DGKI: variants seen among roughly 807,000 people sequenced by gnomAD.
DGKI encodes the protein DAG kinase iota.
Under a neutral mutation model 147.5 loss-of-function variants are expected in DGKI, and 55 were observed. The observed-to-expected ratio is 0.37, with a 90% CI of 0.30 to 0.47. DGKI has a LOEUF of 0.47. Among genes scored for constraint, DGKI ranks in the 20% least tolerant of loss-of-function variants. The probability of loss-of-function intolerance (pLI) is 1.00; values close to 1 mark genes in which losing one functional copy is unlikely to be tolerated. For missense variants in DGKI, 1,007 were observed against 1,323.8 expected (o/e 0.76, Z 3.71); for synonymous variants, 469 against 477.1 (o/e 0.98, Z 0.22).
intron 20 of DGKI, among the ~76,000 whole-genome samples, chr7:137,529,756 T>C (rs1285798070): frequency 6.6e-6 from 1 of 152,208 alleles, no homozygotes; most frequent in Non-Finnish European, 1.5e-5. Flanking sequence ...CATCCCTACA[T>C]ACATGTGTTA....
At chr7:137,776,466 G>C (rs1054622994) in intron 1 of DGKI, among the ~76,000 whole-genome samples, 1 of 152,122 alleles carries the variant, frequency 6.6e-6, no homozygotes, top group African/African-American at 2.4e-5. Context: ...ACCATGCAGT[G>C]GTTAAACATT....
intron 1 of DGKI, among the ~76,000 whole-genome samples, chr7:137,825,519 T>G (rs1798028608): frequency 6.6e-6 from 1 of 152,148 alleles, no homozygotes; most frequent in Non-Finnish European, 1.5e-5. Flanking sequence ...ATTTTTCAGA[T>G]GAGGACATTG....
rs1483012327 is a variant in DGKI, at chr7:137,770,634, C to T, written c.401+75828G>A. On this transcript the variant is annotated intron_variant, in intron 1 of 32. Transcript: ENST00000614521. ...CTGCAAGCTCCGCCTCCCGGGTTCA[C>T]GCCATTCTCCTGCCTCAGCCTCCCA... 6.0e-5 allele frequency among the ~76,000 whole-genome samples: 6 copies of T among 99,826 alleles called. 3 individuals are homozygous for T. Among genetic ancestry groups the T allele is most frequent in the Non-Finnish European group, 1.1e-4 (6 of 55,318 alleles). 65.5% of individuals were successfully genotyped at this position (99,826 alleles called of 152,430 possible). A position where few individuals can be genotyped will look rare whatever the true frequency, so the allele number is the denominator to read the frequency against.
intron 1 of DGKI, among the ~76,000 whole-genome samples, chr7:137,836,607 G>C (rs1798388940): frequency 6.6e-6 from 1 of 152,064 alleles, no homozygotes; most frequent in South Asian, 2.1e-4. Context: ...AAATCACAAG[G>C]TCTTGTACTG....
At chr7:137,424,704 C>T (rs916054972) in intron 28 of DGKI, among the ~76,000 whole-genome samples, 6 of 152,138 alleles carry the variant, frequency 3.9e-5, no homozygotes, top group Admixed American at 2.0e-4. Context: ...GCTTTTCCAA[C>T]GGGCTTAAAA....
intron 20 of DGKI, among the ~76,000 whole-genome samples, chr7:137,527,957 C>T (rs1016829355): frequency 2.6e-5 from 4 of 152,168 alleles, no homozygotes; most frequent in Admixed American, 6.6e-5. Context: ...GTGTGAAAGG[C>T]TATGAATTCA....
intron 12 of DGKI, 112 bp downstream of exon 12, chr7:137,597,735 T>G (rs1015061590): frequency 2.9e-5 from 27 of 934,752 alleles, no homozygotes; most frequent in Admixed American, 2.0e-4. Flanking sequence ...ATGAGAGATA[T>G]ACATGTGTTA....
chr7:137,742,685 T>C (rs893265046), intron 1 of DGKI, among the ~76,000 whole-genome samples: 1 of 152,084 alleles, frequency 6.6e-6, no homozygotes, highest in African/African-American at 2.4e-5. Context: ...GCCAATGTTT[T>C]ACTCAATGTT....
intron 3 of DGKI, among the ~76,000 whole-genome samples, chr7:137,663,743 G>A (rs1431963649): frequency 6.6e-6 from 1 of 152,184 alleles, no homozygotes; most frequent in Non-Finnish European, 1.5e-5. Flanking sequence ...CGCCCCAGAA[G>A]CCATGGGGTT....
In DGKI at chr7:137,555,398, T is replaced by C. The variant is rs190247179; in HGVS notation, c.1948-2830A>G. Among the ~76,000 whole-genome samples the C allele has an allele frequency of 6.4e-3, 975 of 151,964 alleles. 9 individuals carry two copies. The highest frequency in any genetic ancestry group is 0.017 in the Middle Eastern group (5 of 294). The stretch of plus-strand genomic sequence containing the variant: ...AAAATCAGCTGAGGACGGTGGTGCA[T>C]GCCTGTAGTCCCAGCTAGTTGGGAG... On this transcript the variant is annotated intron_variant, in intron 19 of 32. Transcript: ENST00000614521.
intron 28 of DGKI, among the ~76,000 whole-genome samples, chr7:137,417,723 C>T (rs756026943): frequency 1.6e-4 from 24 of 152,270 alleles, no homozygotes; most frequent in Middle Eastern, 3.4e-3. Flanking sequence ...GATTAAGTCA[C>T]GAAGGCTCCA....
chr7:137,821,279 T>C (rs2117035071), intron 1 of DGKI, among the ~76,000 whole-genome samples: 1 of 152,146 alleles, frequency 6.6e-6, no homozygotes, highest in African/African-American at 2.4e-5. Flanking sequence ...AGGTAAATGA[T>C]GAGCTGAATG....
At chr7:137,493,456 A>C (rs1489143021) in intron 21 of DGKI, among the ~76,000 whole-genome samples, 1 of 152,150 alleles carries the variant, frequency 6.6e-6, no homozygotes, top group African/African-American at 2.4e-5. Context: ...GTCACTGCCC[A>C]TCAAGGCAAC....
At chr7:137,706,579 AT>A (rs374911587) in intron 1 of DGKI, among the ~76,000 whole-genome samples, 3,002 of 122,658 alleles carry the variant, frequency 0.024, 38 homozygotes, top group Non-Finnish European at 0.037. Context: ...TTTTATTTTT[AT>A]TTTTTTTTTT....
intron 1 of DGKI, among the ~76,000 whole-genome samples, chr7:137,734,177 A>G (rs1307925337): frequency 6.6e-6 from 1 of 152,072 alleles, no homozygotes; most frequent in Non-Finnish European, 1.5e-5. Flanking sequence ...TCTAATAAAC[A>G]GAATACAACA....
chr7:137,519,511 T>A (rs1816891895), intron 21 of DGKI, among the ~76,000 whole-genome samples: 1 of 152,090 alleles, frequency 6.6e-6, no homozygotes, highest in Non-Finnish European at 1.5e-5. Flanking sequence ...GGATTCACTC[T>A]CTTTGTTCTG....
At position 137,623,466 on chromosome 7, in the gene DGKI, T is replaced by C. The variant is rs1198632985; in HGVS notation, c.876+17A>G. ...CAAAACATGAGCCCACATTGCTTTA[T>C]TTCATCCCAATCTTACCGCCTGCTT... On this transcript the variant is annotated intron_variant, in intron 7 of 32. Transcript: ENST00000614521. The C allele has an allele frequency of 3.1e-6, 5 of 1,612,086 alleles. No homozygotes were observed. Among genetic ancestry groups the C allele is most frequent in the Middle Eastern group, 1.6e-4 (1 of 6,062 alleles).
chr7:137,593,939 T>C (rs1229684715), intron 12 of DGKI, among the ~76,000 whole-genome samples: 1 of 152,190 alleles, frequency 6.6e-6, no homozygotes, highest in Non-Finnish European at 1.5e-5. Flanking sequence ...TCAGAAGGTC[T>C]CAAAAGAGGT....
intron 7 of DGKI, among the ~76,000 whole-genome samples, chr7:137,620,218 A>C (rs1820698769): frequency 6.6e-6 from 1 of 152,156 alleles, no homozygotes; most frequent in South Asian, 2.1e-4. Context: ...TGATAACAAG[A>C]AATCAGTCTA....
Sources: allele counts gnomAD v4.1 joint callset (sites outside exome capture counted in the v4.1 genomes callset), GRCh38; gene constraint gnomAD v4.1.1; transcripts MANE v1.5; gene names NCBI Gene and HGNC (gene_info 2026-07-23, HGNC 2026-07-21).